The following BNC2 variants were observed in gnomAD, a reference collection of about 807,000 sequenced individuals.
BNC2 encodes the protein basonuclin zinc finger protein 2.
A neutral mutation model predicts 76.3 loss-of-function variants in BNC2; 20 were observed. That is an observed-to-expected ratio of 0.26 (90% CI 0.18 to 0.38). The LOEUF is 0.38. Among genes scored for constraint, BNC2 ranks in the 10% least tolerant of loss-of-function variants. BNC2 has a pLI of 1.00. For synonymous variants in BNC2, 582 were observed against 514.8 expected (o/e 1.13, Z -1.77); for missense variants, 1,382 against 1,399.8 (o/e 0.99, Z 0.20).
intron 5 of BNC2, among the ~76,000 whole-genome samples, chr9:16,543,776 A>G (rs546597479): frequency 3.7e-4 from 57 of 152,280 alleles, no homozygotes; most frequent in Middle Eastern, 3.4e-3. Flanking sequence ...CCTCTGCCTG[A>G]GGCCTCCCCA....
intron 1 of BNC2, among the ~76,000 whole-genome samples, chr9:16,812,032 T>A (rs1401468875): frequency 6.6e-6 from 1 of 152,236 alleles, no homozygotes; most frequent in Non-Finnish European, 1.5e-5. Context: ...TTTCCAGCCT[T>A]AACTGCTTCC....
chr9:16,745,766 GT>G (rs1254493002), intron 1 of BNC2, among the ~76,000 whole-genome samples: 1 of 152,118 alleles, frequency 6.6e-6, no homozygotes, highest in Non-Finnish European at 1.5e-5. Flanking sequence ...ACCCTAGATT[GT>G]TTACTGTAGT....
At chr9:16,606,057 AAAC>A (rs1820375121) in intron 3 of BNC2, among the ~76,000 whole-genome samples, 1 of 152,072 alleles carries the variant, frequency 6.6e-6, no homozygotes, top group Non-Finnish European at 1.5e-5. Context: ...AACTTTTTTT[AAAC>A]AAGCCATTTA....
chr9:16,734,200 C>T (rs932682768), intron 2 of BNC2, among the ~76,000 whole-genome samples: 3 of 152,168 alleles, frequency 2.0e-5, no homozygotes, highest in African/African-American at 7.2e-5. Context: ...GATGCATGCA[C>T]GCCAACTACT....
At chr9:16,699,822 C>T (rs1432885777) in intron 3 of BNC2, among the ~76,000 whole-genome samples, 2 of 152,176 alleles carry the variant, frequency 1.3e-5, no homozygotes, top group African/African-American at 4.8e-5. Context: ...CTGGACTCTT[C>T]TCACTATATT....
At chr9:16,833,247 G>A (rs1196000046) in intron 1 of BNC2, among the ~76,000 whole-genome samples, 1 of 152,106 alleles carries the variant, frequency 6.6e-6, no homozygotes, top group African/African-American at 2.4e-5. Context: ...TCTCTTAGAA[G>A]CACTCTGCCT....
chr9:16,521,846 C>T (rs1390894967), intron 5 of BNC2, among the ~76,000 whole-genome samples: 1 of 152,172 alleles, frequency 6.6e-6, no homozygotes, highest in East Asian at 1.9e-4. Flanking sequence ...GGGATAGCTG[C>T]AACCGTTTTT....
intron 1 of BNC2, among the ~76,000 whole-genome samples, chr9:16,857,410 G>A (rs1819286001): frequency 1.3e-5 from 2 of 150,770 alleles, no homozygotes; most frequent in South Asian, 4.2e-4. Flanking sequence ...TCGGCCGGCG[G>A]AGGTTGCAGT....
chr9:16,544,515 A>G (rs777784682), intron 5 of BNC2, among the ~76,000 whole-genome samples: 1 of 152,162 alleles, frequency 6.6e-6, no homozygotes, highest in African/African-American at 2.4e-5. Context: ...ACAGTGTCAT[A>G]TATAGAATAA....
chr9:16,870,475 G>A (rs944456786), intron 1 of BNC2, among the ~76,000 whole-genome samples, 171 bp downstream of exon 1: 1 of 152,010 alleles, frequency 6.6e-6, no homozygotes, highest in African/African-American at 2.4e-5. Flanking sequence ...GCGGGGATCA[G>A]GTCGGACCGG....
chr9:16,680,589 G>A lies in BNC2; in HGVS notation c.330+47208C>T, dbSNP rs767334077. On this transcript the variant is annotated intron_variant, in intron 3 of 6. Coordinates refer to ENST00000380672, the MANE Select transcript of BNC2 (RefSeq NM_017637.6). Reference sequence around the variant, plus strand: ...TTTAAATGTTTAAAAAAAAAAAAACGTTGATCTTATTCAGGGAATAAGGGG... The same window carrying A: ...TTTAAATGTTTAAAAAAAAAAAAACATTGATCTTATTCAGGGAATAAGGGG... 4.0e-5 allele frequency among the ~76,000 whole-genome samples: 6 copies of A among 150,354 alleles called. No individual in the cohort carries two copies. In the East Asian group the frequency reaches 9.7e-4, roughly 24 times the overall value.
chr9:16,751,662 G>A (rs374681536), intron 1 of BNC2, among the ~76,000 whole-genome samples: 46,963 of 82,132 alleles, frequency 0.57, 11,032 homozygotes, highest in East Asian at 0.89. Flanking sequence ...ATATATATAT[G>A]TATGTATGTG....
chr9:16,728,164 T>G, intron 2 of BNC2, 167 bp from the exon 3 acceptor site: 1 of 727,106 alleles, frequency 1.4e-6, no homozygotes, highest in Non-Finnish European at 2.5e-6. Flanking sequence ...TCCCTATCAT[T>G]TATGCATAGA....
At chr9:16,632,241 AC>A (rs1234376777) in intron 3 of BNC2, among the ~76,000 whole-genome samples, 5 of 151,986 alleles carry the variant, frequency 3.3e-5, no homozygotes, top group African/African-American at 9.6e-5. Context: ...TATTTACTGA[AC>A]CCCTTCTATG....
Position 16,418,664 on chromosome 9 carries a change from CTGTGTGTGTG to C in BNC2, c.*315_*324del, listed in dbSNP as rs139823578. 3.3e-5 allele frequency: 7 copies of C among 214,858 alleles called. No individual in the cohort carries two copies. The highest frequency in any genetic ancestry group is 2.3e-4 in the South Asian group (2 of 8,852). 13.3% of individuals were successfully genotyped at this position (214,858 alleles called of 1,614,324 possible). A position where few individuals can be genotyped will look rare whatever the true frequency, so the allele number is the denominator to read the frequency against. On this transcript the variant is annotated 3_prime_UTR_variant, in exon 7 of 7. Transcript: ENST00000380672. Reference sequence around the variant, plus strand: ...TGTCAAAACTGGGGCTAGTTGCACACTGTGTGTGTGTGTGTGTGTGTGTGTGTATGTGCAT... The same window carrying C: ...TGTCAAAACTGGGGCTAGTTGCACACTGTGTGTGTGTGTGTGTATGTGCAT...
intron 5 of BNC2, among the ~76,000 whole-genome samples, chr9:16,528,567 C>G (rs1817881672): frequency 6.6e-6 from 1 of 152,158 alleles, no homozygotes; most frequent in South Asian, 2.1e-4. Flanking sequence ...ATCAAAGTGG[C>G]AGATGTCATA....
chr9:16,673,585 A>G (rs1384646287), intron 3 of BNC2, among the ~76,000 whole-genome samples: 2 of 152,230 alleles, frequency 1.3e-5, no homozygotes, highest in African/African-American at 4.8e-5. Context: ...GAAAAAGTAT[A>G]CCATCATCAC....
In BNC2 at chr9:16,416,811, C is replaced by T. The variant is rs1820593552; in HGVS notation, c.*2178G>A. 1 of 152,442 alleles carries T rather than the reference C, an allele frequency of 6.6e-6. No homozygotes were observed. The highest frequency in any genetic ancestry group is 2.4e-5 in the African/African-American group (1 of 41,380). The allele number at this position is 152,442 out of a possible 1,614,324, so 9.4% of individuals were successfully genotyped here. On this transcript the variant is annotated 3_prime_UTR_variant, in exon 7 of 7. Transcript: ENST00000380672. ...TTTTCACAACAAAAATACTGAATCCCCAACTAATGATGCTTATTTTGGGAA... is the reference window on the plus strand; with the variant it reads ...TTTTCACAACAAAAATACTGAATCCTCAACTAATGATGCTTATTTTGGGAA...
chr9:16,727,516 T>G lies in BNC2; in HGVS notation c.330+281A>C, dbSNP rs1310366846. 8 of 392,528 alleles carry G rather than the reference T, an allele frequency of 2.0e-5. No individual in the cohort carries two copies. In the East Asian group the frequency reaches 3.1e-4, roughly 15 times the overall value. The allele number at this position is 392,528 out of a possible 1,614,324, so 24.3% of individuals were successfully genotyped here. A position where few individuals can be genotyped will look rare whatever the true frequency, so the allele number is the denominator to read the frequency against. ...AGAAAACAAAGAAATAAATTAAGTC[T>G]TCCCCTGACCCAGATTGTACTGTGA... On this transcript the variant is annotated intron_variant, in intron 3 of 6. Coordinates refer to ENST00000380672, the MANE Select transcript of BNC2 (RefSeq NM_017637.6).
Sources: gnomAD v4.1 joint callset for allele counts (sites outside exome capture counted in the v4.1 genomes callset) on GRCh38, gnomAD v4.1.1 for gene constraint, MANE v1.5 for transcripts, NCBI Gene and HGNC (gene_info 2026-07-23, HGNC 2026-07-21) for gene names.